The following FXYD6 variants were observed in gnomAD, a reference collection of about 807,000 sequenced individuals.
FXYD6 encodes the protein FXYD domain containing ion transport regulator 6.
FXYD6 carries 7 observed loss-of-function variants against 16.7 expected under a neutral mutation model. The ratio of observed to expected loss-of-function variants is 0.42; its 90% confidence interval spans 0.24 to 0.79. The LOEUF (loss-of-function observed/expected upper bound fraction) is 0.79. FXYD6 is among the 30% of genes least tolerant of loss of function. FXYD6 has a pLI of 0.28. For missense variants in FXYD6, 111 were observed against 116.2 expected, an observed-to-expected ratio of 0.95 and a Z score of 0.21; for synonymous variants, 49 against 43.0, an observed-to-expected ratio of 1.14 and a Z score of -0.54.
At chr11:117,856,573 G>A (rs2056733137) in intron 1 of FXYD6, among the ~76,000 whole-genome samples, 1 of 152,254 alleles carries the variant, frequency 6.6e-6, no homozygotes, top group African/African-American at 2.4e-5. Context: ...CCTTTTATGA[G>A]GCCGCAGAAT....
intron 1 of FXYD6, among the ~76,000 whole-genome samples, chr11:117,867,801 A>G (rs2057042251): frequency 6.6e-6 from 1 of 151,664 alleles, no homozygotes; most frequent in Non-Finnish European, 1.5e-5. Flanking sequence ...CCAGTTCTCA[A>G]CCCTGGTTGT....
intron 1 of FXYD6, among the ~76,000 whole-genome samples, chr11:117,858,660 TTTCTTTC>T (rs1262459974): frequency 2.5e-5 from 2 of 80,540 alleles, no homozygotes; most frequent in African/African-American, 5.7e-5. Flanking sequence ...TCTTTCTTTC[TTTCTTTC>T]TTTCTTTCTT....
At chr11:117,851,763 T>G (rs71482119) in intron 1 of FXYD6, among the ~76,000 whole-genome samples, 13,098 of 152,302 alleles carry the variant, frequency 0.086, 687 homozygotes, top group African/African-American at 0.15. Context: ...ATGTTTTCAT[T>G]TCACCTTTAT....
At chr11:117,869,089 A>C (rs2057074404) in intron 1 of FXYD6, 1 of 152,206 alleles carries the variant, frequency 6.6e-6, no homozygotes, top group Admixed American at 6.5e-5. Flanking sequence ...ATGCCCATCA[A>C]ATAAACAATT....
At chr11:117,868,298 G>C (rs866311935) in intron 1 of FXYD6, among the ~76,000 whole-genome samples, 1 of 152,114 alleles carries the variant, frequency 6.6e-6, no homozygotes, top group South Asian at 2.1e-4. Flanking sequence ...GGCATGAAAG[G>C]GATGGAAAAC....
rs1340812032 is a variant in FXYD6, at chr11:117,852,986, C to T, written c.-5-10205G>A. On this transcript the variant is annotated intron_variant, in intron 1 of 7. Coordinates refer to ENST00000526014, the MANE Select transcript of FXYD6 (RefSeq NM_022003.4). ...TTCTATCTGGTTCTTTTTGAAATTG[C>T]CTGGGCATTTGTGTTAGTCTTTGTT... is the stretch of plus-strand genomic sequence containing the variant. Among the ~76,000 whole-genome samples the T allele has an allele frequency of 2.6e-5, 4 of 152,080 alleles. No individual in the cohort carries two copies. In the East Asian group the frequency reaches 7.7e-4, roughly 29 times the overall value.
At chr11:117,843,802 G>T (rs972683439) in intron 1 of FXYD6, 2 of 152,256 alleles carry the variant, frequency 1.3e-5, no homozygotes, top group African/African-American at 4.8e-5. Context: ...GGATGCGGAG[G>T]TCTCTGCTCA....
intron 5 of FXYD6, among the ~76,000 whole-genome samples, chr11:117,840,942 A>G (rs1252845207): frequency 6.6e-6 from 1 of 152,016 alleles, no homozygotes; most frequent in Non-Finnish European, 1.5e-5. Context: ...AAGAGACAGG[A>G]TGGGCTGACC....
chr11:117,854,481 G>A (rs1348981176), intron 1 of FXYD6, among the ~76,000 whole-genome samples: 4 of 152,190 alleles, frequency 2.6e-5, no homozygotes, highest in Admixed American at 2.6e-4. Flanking sequence ...CATTACACAA[G>A]CCAACACTGA....
chr11:117,853,234 C>T (rs931218032), intron 1 of FXYD6, among the ~76,000 whole-genome samples: 1 of 152,144 alleles, frequency 6.6e-6, no homozygotes, highest in Non-Finnish European at 1.5e-5. Flanking sequence ...AATTGGTAGT[C>T]CTAAAATGGG....
intron 1 of FXYD6, among the ~76,000 whole-genome samples, chr11:117,875,769 A>G (rs1007114929): frequency 1.3e-5 from 2 of 152,158 alleles, no homozygotes; most frequent in African/African-American, 4.8e-5. Flanking sequence ...GTGACGCGGC[A>G]GACCCATGTT....
chr11:117,850,676 T>TG (rs1491018816), intron 1 of FXYD6, among the ~76,000 whole-genome samples: 7 of 152,134 alleles, frequency 4.6e-5, no homozygotes, highest in Admixed American at 1.3e-4. Context: ...TTTATTTTTT[T>TG]GGGGGGCGGT....
intron 1 of FXYD6, among the ~76,000 whole-genome samples, chr11:117,875,269 T>A: frequency 6.6e-6 from 1 of 151,898 alleles, no homozygotes. Context: ...GATTGCGTAG[T>A]GTGGTATATG....
In FXYD6 at chr11:117,870,954, A is replaced by G. The variant is rs2057121981; in HGVS notation, c.-6+5638T>C. Among the ~76,000 whole-genome samples the G allele has an allele frequency of 6.6e-6, 1 of 152,224 alleles. No individual in the cohort carries two copies. Among genetic ancestry groups the G allele is most frequent in the African/African-American group, 2.4e-5 (1 of 41,462 alleles). The stretch of plus-strand genomic sequence containing the variant: ...TGATGTGTGAATGAAAGGACGCTTC[A>G]GCATCATTATCCCTTTACATCAAAT... On this transcript the variant is annotated intron_variant, in intron 1 of 7. Transcript: ENST00000526014. This position sits in a 1 kb window ranked among gnomAD's most constrained non-coding sequence, Gnocchi z 4.2.
intron 1 of FXYD6, among the ~76,000 whole-genome samples, chr11:117,858,965 G>C (rs7121313): frequency 6.6e-6 from 1 of 151,738 alleles, no homozygotes; most frequent in Non-Finnish European, 1.5e-5. Context: ...TAGTAGAGAC[G>C]GGGTTTCGCC....
intron 1 of FXYD6, among the ~76,000 whole-genome samples, chr11:117,875,187 C>A (rs1184144090): frequency 6.6e-6 from 1 of 151,596 alleles, no homozygotes; most frequent in Non-Finnish European, 1.5e-5. Context: ...GGTATATATG[C>A]GGTGTGTTTG....
intron 1 of FXYD6, 46 bp from the exon 2 acceptor site, chr11:117,842,827 C>T (rs2056384469): frequency 1.3e-6 from 2 of 1,545,982 alleles, no homozygotes. Context: ...TAAGAAGCCT[C>T]CATCCGTCAG....
At chr11:117,864,964 G>A (rs1168063480) in intron 1 of FXYD6, among the ~76,000 whole-genome samples, 1 of 152,100 alleles carries the variant, frequency 6.6e-6, no homozygotes, top group Non-Finnish European at 1.5e-5. Context: ...CAGAGTGGAA[G>A]GAAATATTTT....
chr11:117,874,462 AAG>A (rs888992065), intron 1 of FXYD6, among the ~76,000 whole-genome samples: 1 of 152,170 alleles, frequency 6.6e-6, no homozygotes, highest in African/African-American at 2.4e-5. Context: ...ACGTGCCAGG[AAG>A]AGAGGGTGGC....
Sources: gnomAD v4.1 joint callset for allele counts (sites outside exome capture counted in the v4.1 genomes callset) on GRCh38, gnomAD v4.1.1 for gene constraint, Gnocchi (gnomAD v3.1) non-coding constraint, MANE v1.5 for transcripts, NCBI Gene and HGNC (gene_info 2026-07-23, HGNC 2026-07-21) for gene names.